NRAS: variants seen among roughly 807,000 people sequenced by gnomAD.
NRAS encodes GTPase NRas.
NRAS carries 6 observed loss-of-function variants against 21.3 expected under a neutral mutation model. The ratio of observed to expected loss-of-function variants is 0.28; its 90% confidence interval spans 0.15 to 0.56. The LOEUF is 0.56. Among genes scored for constraint, NRAS ranks in the 20% least tolerant of loss-of-function variants. NRAS has a pLI of 0.93. For missense variants in NRAS, 143 were observed against 231.3 expected (o/e 0.62, Z 2.48); for synonymous variants, 84 against 82.0 (o/e 1.02, Z -0.13).
At chr1:114,714,949 A>G (rs968076359) in intron 2 of NRAS, among the ~76,000 whole-genome samples, 5 of 152,216 alleles carry the variant, frequency 3.3e-5, no homozygotes, top group Non-Finnish European at 5.9e-5. Flanking sequence ...GATGGTAGGG[A>G]GGCCAGGTGT....
In NRAS at chr1:114,716,174, G is replaced by A. The variant is rs1232521487; in HGVS notation, c.-14C>T. On this transcript the variant is annotated 5_prime_UTR_variant, in exon 2 of 7. Transcript: ENST00000369535. Reference sequence around the variant, plus strand: ...GTACTCAGTCATTTCACACCAGCAAGAACCTGTTGGAAACCAGTAATCAGG... The same window carrying A: ...GTACTCAGTCATTTCACACCAGCAAAAACCTGTTGGAAACCAGTAATCAGG... 1.3e-6 allele frequency: 2 copies of A among 1,555,238 alleles called. No individual in the cohort carries two copies. The highest frequency in any genetic ancestry group is 2.7e-5 in the African/African-American group (2 of 73,862).
rs528488691 is a variant in NRAS at position 114,709,957 on chromosome 1, T to C, written c.291-229A>G. Among the ~76,000 whole-genome samples, 198 of 151,210 alleles carry C rather than the reference T, an allele frequency of 1.3e-3. No homozygotes were observed. Among genetic ancestry groups the C allele is most frequent in the Non-Finnish European group, 2.4e-3 (161 of 67,812 alleles). The stretch of plus-strand genomic sequence containing the variant: ...CCTGTATTCCCAGCACTTTGGGAGG[T>C]TGAGGTGGGCAGATCACAAGGTCAG... On this transcript the variant is annotated intron_variant, in intron 3 of 6. Transcript: ENST00000369535.
At position 114,705,446 on chromosome 1, in the gene NRAS, T is replaced by C. The variant is rs181200575; in HGVS notation, c.*2648A>G. 1 of 152,332 alleles carries C rather than the reference T, an allele frequency of 6.6e-6. No individual in the cohort carries two copies. The highest frequency in any genetic ancestry group is 1.5e-5 in the Non-Finnish European group (1 of 68,024). 9.4% of individuals were successfully genotyped at this position (152,332 alleles called of 1,614,324 possible). A position where few individuals can be genotyped will look rare whatever the true frequency, so the allele number is the denominator to read the frequency against. ...CTTTAAAAAAACCAAAAGGAATATG[T>C]AATTTATGACAGCTGGCCAGGCACT... On this transcript the variant is annotated 3_prime_UTR_variant, in exon 7 of 7. Coordinates refer to ENST00000369535, the MANE Select transcript of NRAS (RefSeq NM_002524.5).
In NRAS at chr1:114,707,249, G is replaced by A. The variant is rs1658938543; in HGVS notation, c.*845C>T. The A allele has an allele frequency of 6.6e-6, 1 of 152,510 alleles. No individual in the cohort carries two copies. Among genetic ancestry groups the A allele is most frequent in the Admixed American group, 6.5e-5 (1 of 15,282 alleles). The allele number at this position is 152,510 out of a possible 1,614,324, so 9.4% of individuals were successfully genotyped here. On this transcript the variant is annotated 3_prime_UTR_variant, in exon 7 of 7. Transcript: ENST00000369535. ...GCTTTCAGTTTCATCTTTCTCCTGG[G>A]AAAGCCCCAAAACAGGCCTCTGGAA...
In NRAS at chr1:114,708,739, CTT is replaced by C. The variant is rs1447869350; in HGVS notation, c.451-87_451-86del. Reference sequence around the variant, plus strand: ...TATAAGCTCTCTTGCATTTGTATCTCTTTATGTGGACATAAGATTCCAATTAC... The same window carrying C: ...TATAAGCTCTCTTGCATTTGTATCTCTATGTGGACATAAGATTCCAATTAC... On this transcript the variant is annotated intron_variant, in intron 4 of 6. Coordinates refer to ENST00000369535, the MANE Select transcript of NRAS (RefSeq NM_002524.5). 3 of 1,259,408 alleles carry C rather than the reference CTT, an allele frequency of 2.4e-6. No homozygotes were observed. The African/African-American group carries it at 4.5e-5, about 19-fold the overall frequency. The allele number at this position is 1,259,408 out of a possible 1,614,324, so 78.0% of individuals were successfully genotyped here.
intron 2 of NRAS, among the ~76,000 whole-genome samples, chr1:114,715,060 G>A (rs986668316): frequency 6.6e-6 from 1 of 152,100 alleles, no homozygotes; most frequent in Admixed American, 6.5e-5. Flanking sequence ...ACGAAGTCTC[G>A]CTCTGTTGCC....
At chr1:114,708,493 C>A (rs777962225) in intron 5 of NRAS, 38 bp downstream of exon 5, 5 of 1,605,160 alleles carry the variant, frequency 3.1e-6, no homozygotes, top group Non-Finnish European at 3.4e-6. Flanking sequence ...ATACTATATA[C>A]TAAGATTTGT....
chr1:114,714,712 T>A lies in NRAS; in HGVS notation c.112-734A>T, dbSNP rs935564138. 7.2e-5 allele frequency among the ~76,000 whole-genome samples: 11 copies of A among 152,280 alleles called. No individual in the cohort carries two copies. The East Asian group carries it at 2.1e-3, about 29-fold the overall frequency. ...TCTGGGTGGTAGCTACATGACTATA[T>A]AGAAACGCAAAAAGCACTGGGCTGT... is the stretch of plus-strand genomic sequence containing the variant. On this transcript the variant is annotated intron_variant, in intron 2 of 6. Coordinates refer to ENST00000369535, the MANE Select transcript of NRAS (RefSeq NM_002524.5).
intron 4 of NRAS, 28 bp downstream of exon 4, chr1:114,709,541 T>C: frequency 6.3e-7 from 1 of 1,598,938 alleles, no homozygotes; most frequent in Non-Finnish European, 8.6e-7. Context: ...TGCAAACTCT[T>C]GCACAAATGC....
chr1:114,716,040 T>G lies in NRAS; in HGVS notation c.111+10A>C. The G allele has an allele frequency of 6.6e-7, 1 of 1,514,960 alleles. No individual in the cohort carries two copies. The highest frequency in any genetic ancestry group is 9.2e-7 in the Non-Finnish European group (1 of 1,089,252). The allele number at this position is 1,514,960 out of a possible 1,614,324, so 93.8% of individuals were successfully genotyped here. ...CAGGATCAGGTCAGCGGGCTACCAC[T>G]GGGCCTCACCTCTATGGTGGGATCA... is the stretch of plus-strand genomic sequence containing the variant. On this transcript the variant is annotated intron_variant, in intron 2 of 6. Coordinates refer to ENST00000369535, the MANE Select transcript of NRAS (RefSeq NM_002524.5).
At chr1:114,711,724 T>C (rs1375821530) in intron 3 of NRAS, among the ~76,000 whole-genome samples, 2 of 151,906 alleles carry the variant, frequency 1.3e-5, no homozygotes, top group African/African-American at 4.8e-5. Context: ...GGCTGAAGCA[T>C]CTAGAACTCC....
chr1:114,708,754 A>G, intron 4 of NRAS, 100 bp from the exon 5 acceptor site: 1 of 1,079,630 alleles, frequency 9.3e-7, no homozygotes, highest in Non-Finnish European at 1.4e-6. Context: ...TGTGGACATA[A>G]GATTCCAATT....
In NRAS at chr1:114,715,778, C is replaced by A. The variant is rs9724620; in HGVS notation, c.111+272G>T. On this transcript the variant is annotated intron_variant, in intron 2 of 6. Coordinates refer to ENST00000369535, the MANE Select transcript of NRAS (RefSeq NM_002524.5). ...GGCCTGTGTTTCTCATGTAATAGAG[C>A]TGTTATATATGAAGAAACTCATGAA... Among the ~76,000 whole-genome samples, 7 of 152,268 alleles carry A rather than the reference C, an allele frequency of 4.6e-5. No individual in the cohort carries two copies. In the East Asian group the frequency reaches 1.4e-3, roughly 29 times the overall value.
intron 1 of NRAS, among the ~76,000 whole-genome samples, chr1:114,716,441 C>G (rs1474769917): frequency 6.6e-6 from 1 of 152,052 alleles, no homozygotes; most frequent in Non-Finnish European, 1.5e-5. Context: ...TATTACTCCC[C>G]GAAGGCTTCT....
rs1403007446 is a variant in NRAS at position 114,707,493 on chromosome 1, GA to G, written c.*600del. 1 of 152,598 alleles carries G rather than the reference GA, an allele frequency of 6.6e-6. No homozygotes were observed. Among genetic ancestry groups the G allele is most frequent in the Non-Finnish European group, 1.5e-5 (1 of 68,040 alleles). 9.5% of individuals were successfully genotyped at this position (152,598 alleles called of 1,614,324 possible). On this transcript the variant is annotated 3_prime_UTR_variant, in exon 7 of 7. Coordinates refer to ENST00000369535, the MANE Select transcript of NRAS (RefSeq NM_002524.5). ...TTGGATTTAATTACGTCAAAGTTGT[GA>G]AGACTAGGATAGACTCAAAATTCAG...
chr1:114,715,180 C>T (rs1659128863), intron 2 of NRAS, among the ~76,000 whole-genome samples: 1 of 152,174 alleles, frequency 6.6e-6, no homozygotes, highest in South Asian at 2.1e-4. Flanking sequence ...GTGCCTGCCA[C>T]CACACCCAGC....
intron 2 of NRAS, 37 bp from the exon 3 acceptor site, chr1:114,714,015 G>A (rs766613733): frequency 3.2e-5 from 21 of 652,238 alleles, no homozygotes; most frequent in Non-Finnish European, 4.4e-5. Flanking sequence ...GGGAGGGAGG[G>A]AAGTTCAATT....
chr1:114,714,113 G>T, intron 2 of NRAS, 135 bp from the exon 3 acceptor site: 1 of 573,856 alleles, frequency 1.7e-6, no homozygotes, highest in Non-Finnish European at 3.0e-6. Context: ...TATCTGGTTT[G>T]TCCCTCAAAT....
chr1:114,716,270 G>A (rs1659163730), intron 1 of NRAS, 93 bp from the exon 2 acceptor site: 5 of 814,912 alleles, frequency 6.1e-6, no homozygotes, highest in Middle Eastern at 2.5e-4. Flanking sequence ...ACCCTAGTGT[G>A]ACCTTCCATT....
Sources: allele counts gnomAD v4.1 joint callset (sites outside exome capture counted in the v4.1 genomes callset), GRCh38; gene constraint gnomAD v4.1.1; transcripts MANE v1.5; gene names NCBI Gene and HGNC (gene_info 2026-07-23, HGNC 2026-07-21).